The following SEMA6D variants were observed in gnomAD, a reference collection of about 807,000 sequenced individuals.
The protein encoded by SEMA6D is semaphorin 6D.
SEMA6D carries 35 observed loss-of-function variants against 106.6 expected under a neutral mutation model. That is an observed-to-expected ratio of 0.33 (90% CI 0.25 to 0.44). The LOEUF (loss-of-function observed/expected upper bound fraction) is 0.44, where lower values mean the gene tolerates loss of function less well. SEMA6D is among the 20% of genes least tolerant of loss of function. The pLI is 1.00. For synonymous variants in SEMA6D, 499 were observed against 487.7 expected (o/e 1.02, Z -0.31); for missense variants, 1,185 against 1,345.9 (o/e 0.88, Z 1.87).
At chr15:47,267,696 A>C (rs2034384030) in intron 1 of SEMA6D, among the ~76,000 whole-genome samples, 2 of 152,056 alleles carry the variant, frequency 1.3e-5, no homozygotes, top group South Asian at 4.1e-4. Context: ...TTAGCTTGGC[A>C]TTCTCCCTTT....
chr15:47,590,116 A>T (rs992737475), intron 3 of SEMA6D, among the ~76,000 whole-genome samples: 2 of 152,152 alleles, frequency 1.3e-5, no homozygotes, highest in African/African-American at 4.8e-5. Context: ...AATAGCAAAG[A>T]CTTGGAACCA....
chr15:47,443,905 T>A (rs2041951815), intron 2 of SEMA6D, among the ~76,000 whole-genome samples: 1 of 152,158 alleles, frequency 6.6e-6, no homozygotes, highest in African/African-American at 2.4e-5. Context: ...ATTTTTCTAA[T>A]AGCTCATCAT....
At chr15:47,234,432 A>G (rs1226929215) in intron 1 of SEMA6D, among the ~76,000 whole-genome samples, 2 of 151,992 alleles carry the variant, frequency 1.3e-5, no homozygotes, top group Non-Finnish European at 1.5e-5. Context: ...AGATTTTAGT[A>G]TACTTGCTGC....
chr15:47,528,593 T>G (rs1246363233), intron 3 of SEMA6D, among the ~76,000 whole-genome samples: 3 of 152,228 alleles, frequency 2.0e-5, no homozygotes, highest in African/African-American at 7.2e-5. Flanking sequence ...CATGTAGTCC[T>G]GATATGCATG....
intron 1 of SEMA6D, among the ~76,000 whole-genome samples, chr15:47,388,119 C>T (rs2039902189): frequency 6.6e-6 from 1 of 152,048 alleles, no homozygotes; most frequent in South Asian, 2.1e-4. Context: ...TGATCAAATC[C>T]ATAGAATATG....
At chr15:47,740,818 G>A (rs913025819) in intron 1 of SEMA6D, among the ~76,000 whole-genome samples, 2 of 152,132 alleles carry the variant, frequency 1.3e-5, no homozygotes, top group Non-Finnish European at 2.9e-5. Context: ...TTGATGTTAG[G>A]TCTAGGGTGA....
At chr15:47,738,597 A>C (rs574066376) in intron 1 of SEMA6D, among the ~76,000 whole-genome samples, 1 of 152,300 alleles carries the variant, frequency 6.6e-6, no homozygotes, top group East Asian at 1.9e-4. Flanking sequence ...GTTTCTCTGG[A>C]ATGTTTCCAG....
intron 3 of SEMA6D, among the ~76,000 whole-genome samples, chr15:47,569,382 G>A (rs55784128): frequency 0.11 from 16,050 of 152,134 alleles, 1,274 homozygotes; most frequent in African/African-American, 0.23. Flanking sequence ...CCTTTCAAGA[G>A]AAGACTGTGG....
rs1430498109 is a variant in SEMA6D, at chr15:47,771,199, T to G, written c.2636T>G (p.Leu879Arg). 1 of 1,614,026 alleles carries G rather than the reference T, an allele frequency of 6.2e-7. No individual in the cohort carries two copies. The highest frequency in any genetic ancestry group is 8.5e-7 in the Non-Finnish European group (1 of 1,179,966). Residue 879 changes from leucine to arginine, a missense_variant, in exon 19 of 19, where the codon CTC (leucine) becomes CGC (arginine). Physicochemically the swap from Leu to Arg is moderately radical, Grantham distance 102 (BLOSUM62 -2). Around this residue, in one of 3 missense-constraint regions of SEMA6D, gnomAD observed 750 missense variants for 783.5 expected, o/e 0.96. Transcript: ENST00000536845. ...CGTTCTGTTGATTCCAGAAATACCC[T>G]CAATGATCTCCTGAAGCATCTGAAT... Reference protein sequence around the residue: ...HRRSVDSRNTLNDLLKHLNDP... With the variant: ...HRRSVDSRNTRNDLLKHLNDP...
intron 1 of SEMA6D, among the ~76,000 whole-genome samples, chr15:47,295,832 G>A (rs937967311): frequency 2.0e-5 from 3 of 152,174 alleles, no homozygotes; most frequent in Non-Finnish European, 2.9e-5. Context: ...TGTTTCTCCT[G>A]AATTTAGCTA....
intron 1 of SEMA6D, among the ~76,000 whole-genome samples, chr15:47,242,520 G>A (rs2032972644): frequency 1.3e-5 from 2 of 152,194 alleles, no homozygotes; most frequent in Non-Finnish European, 2.9e-5. Flanking sequence ...ACTTAGGGTT[G>A]GTATGTGATG....
In SEMA6D at chr15:47,774,166, G is replaced by A. The variant is rs1394525569; in HGVS notation, c.*2381G>A. The A allele has an allele frequency of 6.6e-6, 1 of 152,454 alleles. No individual in the cohort carries two copies. The highest frequency in any genetic ancestry group is 2.4e-5 in the African/African-American group (1 of 41,378). The allele number at this position is 152,454 out of a possible 1,614,324, so 9.4% of individuals were successfully genotyped here. A position where few individuals can be genotyped will look rare whatever the true frequency, so the allele number is the denominator to read the frequency against. On this transcript the variant is annotated 3_prime_UTR_variant, in exon 19 of 19. Coordinates refer to ENST00000536845, the MANE Select transcript of SEMA6D (RefSeq NM_001358351.3). ...TGTATTGTGGATGTGTAAATAATAT[G>A]TACTTTGGGTTTTTAACACCGCATG...
intron 1 of SEMA6D, among the ~76,000 whole-genome samples, chr15:47,735,163 T>C (rs2080369716): frequency 6.6e-6 from 1 of 152,186 alleles, no homozygotes; most frequent in Non-Finnish European, 1.5e-5. Context: ...GAGATTATAA[T>C]AAAAATATGT....
intron 1 of SEMA6D, among the ~76,000 whole-genome samples, chr15:47,320,773 A>G (rs932074586): frequency 2.6e-5 from 4 of 152,216 alleles, no homozygotes; most frequent in African/African-American, 9.7e-5. Context: ...CCATGCAGGA[A>G]GAAATCAAGT....
intron 3 of SEMA6D, among the ~76,000 whole-genome samples, chr15:47,513,467 C>T (rs1226964513): frequency 2.0e-5 from 3 of 152,106 alleles, no homozygotes; most frequent in Non-Finnish European, 4.4e-5. Flanking sequence ...CAGCTTTGCC[C>T]TTCCTTGGTC....
intron 2 of SEMA6D, among the ~76,000 whole-genome samples, chr15:47,414,047 T>C (rs1275481188): frequency 1.3e-5 from 2 of 152,212 alleles, no homozygotes; most frequent in Admixed American, 1.3e-4. Context: ...TAATAGCTTG[T>C]ATTTTCAAAA....
chr15:47,732,848 C>T (rs1006620562), intron 1 of SEMA6D, among the ~76,000 whole-genome samples: 1 of 152,144 alleles, frequency 6.6e-6, no homozygotes, highest in South Asian at 2.1e-4. Flanking sequence ...AGGCAGGATT[C>T]ATAAAACGAC....
intron 13 of SEMA6D, chr15:47,765,464 A>C (rs2082286389): frequency 1.0e-6 from 1 of 977,648 alleles, no homozygotes; most frequent in South Asian, 4.7e-5. Flanking sequence ...AATAAGTAAG[A>C]GAATATTTAG....
intron 1 of SEMA6D, among the ~76,000 whole-genome samples, chr15:47,367,670 A>G (rs888919430): frequency 4.2e-5 from 6 of 144,288 alleles, no homozygotes; most frequent in South Asian, 2.3e-4. Context: ...CTAAACACGC[A>G]CGCTCACACG....
Sources: gnomAD v4.1 joint callset for allele counts (sites outside exome capture counted in the v4.1 genomes callset) on GRCh38, gnomAD v4.1.1 for gene constraint, gnomAD v4.1.1 regional missense constraint, MANE v1.5 for transcripts, NCBI Gene and HGNC (gene_info 2026-07-23, HGNC 2026-07-21) for gene names.